The following USP40 variants were observed in gnomAD, a reference collection of about 807,000 sequenced individuals.
USP40 encodes the protein ubiquitin carboxyl-terminal hydrolase 40.
In USP40, 143 loss-of-function variants were observed where a neutral mutation model predicts 166.2. That is an observed-to-expected ratio of 0.86 (90% CI 0.75 to 0.99). The LOEUF is 0.99. Among genes scored for constraint, USP40 ranks in the 50% least tolerant of loss-of-function variants. USP40 has a pLI of 0.00. For missense variants in USP40, 1,444 were observed against 1,479.7 expected (o/e 0.98, Z 0.40); for synonymous variants, 498 against 524.0 (o/e 0.95, Z 0.68).
At chr2:233,526,406 G>A (rs927598961) in intron 13 of USP40, among the ~76,000 whole-genome samples, 1 of 151,736 alleles carries the variant, frequency 6.6e-6, no homozygotes, top group Admixed American at 6.6e-5. Context: ...GCCAGAATTG[G>A]CTCAGAAATA....
intron 25 of USP40, among the ~76,000 whole-genome samples, chr2:233,491,602 TCG>T (rs2065345954): frequency 1.4e-5 from 1 of 70,936 alleles, no homozygotes; most frequent in Non-Finnish European, 2.7e-5. Context: ...AACCTGTTCC[TCG>T]TGTGTGTGTG....
intron 25 of USP40, among the ~76,000 whole-genome samples, chr2:233,492,200 C>T (rs2065391406): frequency 6.6e-6 from 1 of 152,190 alleles, no homozygotes; most frequent in Non-Finnish European, 1.5e-5. Flanking sequence ...TATGATTCGC[C>T]TTCAGTATTC....
chr2:233,533,413 C>T (rs2068695601), intron 11 of USP40, 66 bp downstream of exon 11: 1 of 1,467,626 alleles, frequency 6.8e-7, no homozygotes, highest in Non-Finnish European at 9.2e-7. Context: ...AAAATTCAAA[C>T]AGCATTCCAT....
rs1457249120 is a variant in USP40 at position 233,476,692 on chromosome 2, A to G, written c.*700T>C. On this transcript the variant is annotated 3_prime_UTR_variant, in exon 32 of 32. Transcript: ENST00000678225. The stretch of plus-strand genomic sequence containing the variant: ...ACCTTCTGATCACAGAGCACCCAGG[A>G]TAAGCTGGACCCTTGGCCTGCGGGC... 1 of 155,294 alleles carries G rather than the reference A, an allele frequency of 6.4e-6. No individual in the cohort carries two copies. The highest frequency in any genetic ancestry group is 1.4e-5 in the Non-Finnish European group (1 of 69,858). 9.6% of individuals were successfully genotyped at this position (155,294 alleles called of 1,614,324 possible).
intron 16 of USP40, among the ~76,000 whole-genome samples, chr2:233,521,737 A>G (rs1268147878): frequency 1.3e-5 from 2 of 152,188 alleles, no homozygotes; most frequent in African/African-American, 4.8e-5. Flanking sequence ...GCTCTGAAAC[A>G]TCATTCTACT....
Position 233,476,985 on chromosome 2 carries a change from T to G in USP40, c.*407A>C. 1.3e-5 allele frequency: 4 copies of G among 313,978 alleles called. No homozygotes were observed. The highest frequency in any genetic ancestry group is 2.8e-5 in the South Asian group (1 of 36,230). 19.4% of individuals were successfully genotyped at this position (313,978 alleles called of 1,614,324 possible). A position where few individuals can be genotyped will look rare whatever the true frequency, so the allele number is the denominator to read the frequency against. ...AGAAGCCGGTCAGGGCGAACGAGAG[T>G]CATCTGAACACGGAGGAAAGTGGCT... On this transcript the variant is annotated 3_prime_UTR_variant, in exon 32 of 32. Transcript: ENST00000678225.
chr2:233,527,299 C>T, intron 13 of USP40, 108 bp downstream of exon 13: 1 of 1,287,500 alleles, frequency 7.8e-7, no homozygotes, highest in Non-Finnish European at 1.0e-6. Flanking sequence ...GTCAGATCTT[C>T]CTAAGCAGCT....
chr2:233,561,098 C>T (rs2071553236), intron 3 of USP40: 3 of 1,512,080 alleles, frequency 2.0e-6, no homozygotes, highest in African/African-American at 2.8e-5. Flanking sequence ...CCACTTAATT[C>T]CTTCTTTAAA....
In USP40 at chr2:233,477,258, G is replaced by A; in HGVS notation, c.*134C>T. The A allele has an allele frequency of 3.6e-6, 3 of 822,458 alleles. No homozygotes were observed. The highest frequency in any genetic ancestry group is 4.1e-5 in the Admixed American group (2 of 49,382). The allele number at this position is 822,458 out of a possible 1,614,324, so 50.9% of individuals were successfully genotyped here. ...CATGCACTGGCCAGGCCTCAGAGGA[G>A]CCGTCCCTGTGCTCAAAGGAAGCAG... On this transcript the variant is annotated 3_prime_UTR_variant, in exon 32 of 32. Transcript: ENST00000678225.
chr2:233,544,148 A>G (rs1192042410), intron 8 of USP40, among the ~76,000 whole-genome samples: 9 of 152,154 alleles, frequency 5.9e-5, no homozygotes, highest in Admixed American at 5.2e-4. Context: ...CATCACCCCA[A>G]CTCAGGTTCA....
intron 11 of USP40, among the ~76,000 whole-genome samples, chr2:233,532,506 T>G (rs765640065): frequency 7.9e-5 from 12 of 152,198 alleles, no homozygotes; most frequent in Non-Finnish European, 1.5e-4. Context: ...AGATTCTGTA[T>G]CTGGGCCCTT....
intron 21 of USP40, among the ~76,000 whole-genome samples, chr2:233,503,227 T>TA (rs1175161343): frequency 1.3e-5 from 2 of 152,070 alleles, no homozygotes; most frequent in East Asian, 3.9e-4. Flanking sequence ...GTCAGAAGAA[T>TA]AAAAAGAATT....
chr2:233,484,663 TG>T (rs1246518552), intron 30 of USP40, among the ~76,000 whole-genome samples: 1 of 151,982 alleles, frequency 6.6e-6, no homozygotes, highest in Non-Finnish European at 1.5e-5. Context: ...TGTATTTTTT[TG>T]TAGAGACCAG....
chr2:233,559,335 T>C (rs906966233), intron 4 of USP40, among the ~76,000 whole-genome samples: 1 of 152,226 alleles, frequency 6.6e-6, no homozygotes, highest in Non-Finnish European at 1.5e-5. Flanking sequence ...CTTTTTTGAC[T>C]GAAGCAAACC....
At chr2:233,514,666 T>C (rs1482520952) in intron 18 of USP40, among the ~76,000 whole-genome samples, 1 of 152,158 alleles carries the variant, frequency 6.6e-6, no homozygotes, top group Non-Finnish European at 1.5e-5. Flanking sequence ...GATGATCAAA[T>C]GGTTTGGAGA....
chr2:233,562,431 T>G lies in USP40; in HGVS notation c.267+305A>C, dbSNP rs554099500. On this transcript the variant is annotated intron_variant, in intron 3 of 31. Transcript: ENST00000678225. The stretch of plus-strand genomic sequence containing the variant: ...TCCTTTGTAGGGACATGGATGAAAT[T>G]GGAAATCATCATTCTCAGTAAACTA... Among the ~76,000 whole-genome samples the G allele has an allele frequency of 1.8e-4, 27 of 150,968 alleles. No individual in the cohort carries two copies. In the South Asian group the frequency reaches 5.5e-3, roughly 31 times the overall value.
chr2:233,533,737 C>T lies in USP40; in HGVS notation c.1213G>A (p.Glu405Lys), dbSNP rs771364524. Residue 405 changes from glutamate (E) to lysine (K), a missense_variant, in exon 11 of 32, where the codon GAA becomes AAA. Coordinates refer to ENST00000678225, the MANE Select transcript of USP40 (RefSeq NM_001365479.2). Reference protein sequence around the residue: ...HSQIFLLSSDESTVRLLKNSS... With the variant: ...HSQIFLLSSDKSTVRLLKNSS... ...TTCTTCAAGAGACGAACTGTACTTTCATCTGAACTGAGTAGAAATATCTGA... is the reference window on the plus strand; with the variant it reads ...TTCTTCAAGAGACGAACTGTACTTTTATCTGAACTGAGTAGAAATATCTGA... The T allele has an allele frequency of 6.2e-7, 1 of 1,611,402 alleles. No individual in the cohort carries two copies. Among genetic ancestry groups the T allele is most frequent in the Admixed American group, 1.7e-5 (1 of 59,652 alleles).
intron 27 of USP40, 85 bp from the exon 28 acceptor site, chr2:233,488,389 T>C: frequency 3.0e-6 from 4 of 1,312,550 alleles, no homozygotes; most frequent in Non-Finnish European, 4.2e-6. Flanking sequence ...TAAGCTTTTT[T>C]CTTAAGCAAA....
At chr2:233,529,594 A>C in intron 11 of USP40, 82 bp from the exon 12 acceptor site, 1 of 1,005,402 alleles carries the variant, frequency 9.9e-7, no homozygotes, top group Non-Finnish European at 1.4e-6. Flanking sequence ...ACTAGGAAGG[A>C]CTGTCCTAGG....
Sources: allele counts gnomAD v4.1 joint callset (sites outside exome capture counted in the v4.1 genomes callset), GRCh38; gene constraint gnomAD v4.1.1; transcripts MANE v1.5; gene names NCBI Gene and HGNC (gene_info 2026-07-23, HGNC 2026-07-21).